HIVEP1: variants seen among roughly 807,000 people sequenced by gnomAD.
HIVEP1 encodes zinc finger protein 40.
In HIVEP1, 36 loss-of-function variants were observed where a neutral mutation model predicts 180.0. The observed-to-expected ratio is 0.20, with a 90% CI of 0.15 to 0.26. The LOEUF (loss-of-function observed/expected upper bound fraction) is 0.26, where lower values mean the gene tolerates loss of function less well. Ranked by LOEUF, HIVEP1 falls within the 10% of genes least tolerant of loss-of-function variation. The pLI, the probability that HIVEP1 is intolerant of heterozygous loss-of-function variation, is 1.00. For missense variants in HIVEP1, 3,143 were observed against 3,268.7 expected (o/e 0.96, Z 0.94); for synonymous variants, 1,239 against 1,239.0 (o/e 1.00, Z 0.00).
chr6:12,181,075 T>G, the HIVEP1 span, among the ~76,000 whole-genome samples: 1 of 152,122 alleles, frequency 6.6e-6, no homozygotes, highest in East Asian at 1.9e-4. Flanking sequence ...AAAATTTTTT[T>G]TAGAGCCAGG....
At chr6:12,024,427 T>A (rs942269777) in intron 2 of HIVEP1, among the ~76,000 whole-genome samples, 7 of 152,210 alleles carry the variant, frequency 4.6e-5, no homozygotes, top group Non-Finnish European at 1.0e-4. Flanking sequence ...TAGCAGTCCC[T>A]AAGCATGAAT....
chr6:12,012,165 C>T (rs1391197469), upstream of HIVEP1: 1 of 143,910 alleles, frequency 6.9e-6, no homozygotes, highest in Non-Finnish European at 1.5e-5. Context: ...CCCTGGCGGC[C>T]GCGATCATGC....
chr6:12,027,145 A>G (rs961522956), intron 2 of HIVEP1, among the ~76,000 whole-genome samples: 12 of 152,206 alleles, frequency 7.9e-5, no homozygotes, highest in Non-Finnish European at 1.8e-4. Context: ...TTTACAGAAA[A>G]GTTTGCCAAA....
intron 2 of HIVEP1, among the ~76,000 whole-genome samples, chr6:12,055,161 C>T (rs374370728): frequency 1.3e-5 from 2 of 152,208 alleles, no homozygotes; most frequent in South Asian, 4.1e-4. Context: ...CTTGAGGAAT[C>T]TAAACAGGAA....
rs1189242118 is a variant in HIVEP1 at position 12,082,210 on chromosome 6, T to C, written c.41-6974T>C. 2.0e-5 allele frequency among the ~76,000 whole-genome samples: 3 copies of C among 152,236 alleles called. No individual in the cohort carries two copies. The East Asian group carries it at 5.8e-4, about 30-fold the overall frequency. On this transcript the variant is annotated intron_variant, in intron 2 of 8. Coordinates refer to ENST00000379388, the MANE Select transcript of HIVEP1 (RefSeq NM_002114.4). ...AAAAGAATGTATACAGTCTGGGGTG[T>C]CATTCCTGGAGTATCTGATTCAGTA...
At chr6:12,109,985 A>T (rs1774780766) in intron 3 of HIVEP1, among the ~76,000 whole-genome samples, 1 of 152,260 alleles carries the variant, frequency 6.6e-6, no homozygotes, top group East Asian at 1.9e-4. Flanking sequence ...TGAAAACAAC[A>T]TTCATCTTCT....
chr6:12,017,357 GTTTC>G (rs1767860037), intron 2 of HIVEP1, among the ~76,000 whole-genome samples: 1 of 152,174 alleles, frequency 6.6e-6, no homozygotes, highest in South Asian at 2.1e-4. Flanking sequence ...TGTGTTTGGA[GTTTC>G]TTTCTTCTGG....
At chr6:12,207,142 A>G in the HIVEP1 span, among the ~76,000 whole-genome samples, 1 of 152,200 alleles carries the variant, frequency 6.6e-6, no homozygotes, top group Admixed American at 6.5e-5. Context: ...TGATGAGTTA[A>G]GATTGCTGGC....
intron 3 of HIVEP1, among the ~76,000 whole-genome samples, chr6:12,112,008 A>G (rs539858697): frequency 7.1e-4 from 108 of 152,274 alleles, no homozygotes; most frequent in Non-Finnish European, 1.4e-3. Context: ...TCTTTTTATA[A>G]TTTTATTATT....
At chr6:12,023,848 C>A (rs1045920716) in intron 2 of HIVEP1, among the ~76,000 whole-genome samples, 1 of 152,132 alleles carries the variant, frequency 6.6e-6, no homozygotes, top group African/African-American at 2.4e-5. Context: ...ACAATCTTAT[C>A]TTACCATAGA....
chr6:12,090,759 T>TTA (rs70981662), intron 3 of HIVEP1, among the ~76,000 whole-genome samples: 15 of 130,422 alleles, frequency 1.2e-4, no homozygotes, highest in Admixed American at 5.1e-4. Flanking sequence ...TTTTTTTTTT[T>TTA]ACATCTAGTC....
At chr6:12,072,753 A>G (rs1400245700) in intron 2 of HIVEP1, among the ~76,000 whole-genome samples, 1 of 152,026 alleles carries the variant, frequency 6.6e-6, no homozygotes, top group Non-Finnish European at 1.5e-5. Flanking sequence ...ATTCTCATCC[A>G]GTGAATTTTT....
chr6:12,127,226 A>G (rs1758136163), intron 4 of HIVEP1, among the ~76,000 whole-genome samples: 1 of 152,244 alleles, frequency 6.6e-6, no homozygotes, highest in Non-Finnish European at 1.5e-5. Flanking sequence ...TGGTTCATTT[A>G]AAGAACTCTG....
At chr6:12,075,860 A>G (rs1772316950) in intron 2 of HIVEP1, among the ~76,000 whole-genome samples, 1 of 152,214 alleles carries the variant, frequency 6.6e-6, no homozygotes, top group African/African-American at 2.4e-5. Flanking sequence ...TGTGAAACAA[A>G]CAAAAATAAA....
At chr6:12,150,372 G>A (rs192278933) in intron 7 of HIVEP1, among the ~76,000 whole-genome samples, 2 of 152,298 alleles carry the variant, frequency 1.3e-5, no homozygotes, top group Admixed American at 6.5e-5. Flanking sequence ...ACCCTCAGCC[G>A]CCAGCTAGGA....
chr6:12,046,143 A>G (rs1260737215), intron 2 of HIVEP1, among the ~76,000 whole-genome samples: 2 of 152,248 alleles, frequency 1.3e-5, no homozygotes, highest in Admixed American at 6.5e-5. Flanking sequence ...TGTTTTAAGT[A>G]TCTGAATTAC....
At position 12,122,803 on chromosome 6, in the gene HIVEP1, C is replaced by T; in HGVS notation, c.3008C>T (p.Pro1003Leu). 1 of 1,613,482 alleles carries T rather than the reference C, an allele frequency of 6.2e-7. No homozygotes were observed. The highest frequency in any genetic ancestry group is 8.5e-7 in the Non-Finnish European group (1 of 1,179,840). Reference protein sequence around the residue: ...AMREPEHSPVPGGLQPQILHY... With the variant: ...AMREPEHSPVLGGLQPQILHY... The stretch of plus-strand genomic sequence containing the variant: ...AGAGAACCTGAGCACAGCCCTGTGC[C>T]CGGCGGTCTGCAGCCTCAGATTCTA... The change falls in exon 4 of 9, where the codon CCC becomes CTC. Residue 1003 changes from proline to leucine, a missense_variant. Coordinates refer to ENST00000379388, the MANE Select transcript of HIVEP1 (RefSeq NM_002114.4).
rs60419579 is a variant in HIVEP1, at chr6:12,141,691, C to CAAAAAAAAAAAAAAAAAAAAA, written c.6487+5808_6487+5828dup. Among the ~76,000 whole-genome samples, 10 of 19,238 alleles carry CAAAAAAAAAAAAAAAAAAAAA rather than the reference C, an allele frequency of 5.2e-4. 2 individuals carry two copies. Among genetic ancestry groups the CAAAAAAAAAAAAAAAAAAAAA allele is most frequent in the African/African-American group, 6.4e-4 (7 of 10,902 alleles). The allele number at this position is 19,238 out of a possible 152,430, so 12.6% of individuals were successfully genotyped here. ...GAAGATCTACCAAGCAAATGGAAAG[C>CAAAAAAAAAAAAAAAAAAAAA]AAAAAAAAAAAAAAAAAAAAAAAAA... On this transcript the variant is annotated intron_variant, in intron 7 of 8. Coordinates refer to ENST00000379388, the MANE Select transcript of HIVEP1 (RefSeq NM_002114.4).
chr6:12,186,831 A>C, the HIVEP1 span, among the ~76,000 whole-genome samples: 1 of 152,204 alleles, frequency 6.6e-6, no homozygotes, highest in Non-Finnish European at 1.5e-5. Context: ...TATGAAATAG[A>C]AATTTTCCAA....
Sources: allele counts gnomAD v4.1 joint callset (sites outside exome capture counted in the v4.1 genomes callset), GRCh38; gene constraint gnomAD v4.1.1; transcripts MANE v1.5; gene names NCBI Gene and HGNC (gene_info 2026-07-23, HGNC 2026-07-21).